The following ASTN2 variants were observed in gnomAD, a reference collection of about 807,000 sequenced individuals.
The protein encoded by ASTN2 is astrotactin-2.
Under a neutral mutation model 139.8 loss-of-function variants are expected in ASTN2, and 54 were observed. The ratio of observed to expected loss-of-function variants is 0.39; its 90% CI spans 0.31 to 0.48. The LOEUF (loss-of-function observed/expected upper bound fraction) is 0.48, where lower values mean the gene tolerates loss of function less well. ASTN2 is among the 20% of genes least tolerant of loss of function. The pLI is 0.95. For synonymous variants in ASTN2, 756 were observed against 719.5 expected (o/e 1.05, Z -0.81); for missense variants, 1,565 against 1,725.1 (o/e 0.91, Z 1.64).
At chr9:117,410,753 C>T (rs1401073801) in intron 1 of ASTN2, among the ~76,000 whole-genome samples, 1 of 152,140 alleles carries the variant, frequency 6.6e-6, no homozygotes, top group Admixed American at 6.5e-5. Flanking sequence ...TACAGAGATG[C>T]CTTCCTTCCC....
chr9:116,493,323 A>C (rs1335733367), intron 19 of ASTN2, among the ~76,000 whole-genome samples: 1 of 152,140 alleles, frequency 6.6e-6, no homozygotes, highest in Non-Finnish European at 1.5e-5. Context: ...AAGTTCGTCC[A>C]AGTCTCTAAC....
chr9:116,775,713 A>AGAAG (rs369347031), intron 13 of ASTN2, among the ~76,000 whole-genome samples: 14 of 122,200 alleles, frequency 1.1e-4, no homozygotes, highest in African/African-American at 1.9e-4. Context: ...AAGGAAGGAA[A>AGAAG]GAAGGAAGGA....
intron 10 of ASTN2, among the ~76,000 whole-genome samples, chr9:116,880,038 T>A (rs566494145): frequency 1.3e-5 from 2 of 152,230 alleles, no homozygotes; most frequent in African/African-American, 4.8e-5. Flanking sequence ...AGTAAAAATA[T>A]CTAGTAGCAG....
At chr9:116,745,457 T>C (rs981915553) in intron 13 of ASTN2, among the ~76,000 whole-genome samples, 7 of 152,328 alleles carry the variant, frequency 4.6e-5, no homozygotes, top group Admixed American at 2.0e-4. Context: ...GTCCCTTCTT[T>C]GGAAGCAATA....
intron 11 of ASTN2, among the ~76,000 whole-genome samples, chr9:116,855,092 C>G (rs1229064757): frequency 6.6e-6 from 1 of 152,084 alleles, no homozygotes; most frequent in African/African-American, 2.4e-5. Context: ...GAAATACCAT[C>G]AGACCCAGCA....
chr9:116,494,828 C>T (rs1040913868), intron 19 of ASTN2, among the ~76,000 whole-genome samples: 1 of 152,194 alleles, frequency 6.6e-6, no homozygotes, highest in Non-Finnish European at 1.5e-5. Context: ...CACCCAAAGT[C>T]TGTGCCTTTC....
intron 7 of ASTN2, among the ~76,000 whole-genome samples, chr9:116,990,227 T>C (rs1421640465): frequency 6.6e-6 from 1 of 152,212 alleles, no homozygotes; most frequent in Non-Finnish European, 1.5e-5. Context: ...CATTTCCTGT[T>C]AAATCAATTT....
chr9:117,066,030 T>A lies in ASTN2; in HGVS notation c.1277-26065A>T, dbSNP rs188992751. On this transcript the variant is annotated intron_variant, in intron 5 of 22. Transcript: ENST00000313400. ...TCCCATTTTATCTTTTTTTTTTTTT[T>A]ATTATACTTTAAGTTTTAGGGTACA... Among the ~76,000 whole-genome samples, 366 of 139,274 alleles carry A rather than the reference T, an allele frequency of 2.6e-3. 1 individual carries two copies. Among genetic ancestry groups the A allele is most frequent in the African/African-American group, 8.9e-3 (341 of 38,394 alleles). 91.4% of individuals were successfully genotyped at this position (139,274 alleles called of 152,430 possible).
intron 1 of ASTN2, among the ~76,000 whole-genome samples, chr9:117,374,699 T>C (rs1220642260): frequency 6.6e-6 from 1 of 152,204 alleles, no homozygotes; most frequent in Non-Finnish European, 1.5e-5. Flanking sequence ...GCAGCAGGAC[T>C]GGGAGAGGTA....
intron 4 of ASTN2, among the ~76,000 whole-genome samples, chr9:117,096,779 A>C (rs1013479895): frequency 6.6e-6 from 1 of 152,144 alleles, no homozygotes; most frequent in Non-Finnish European, 1.5e-5. Flanking sequence ...GGAGGGCCTG[A>C]GAAGGTTTTA....
chr9:117,260,169 C>T (rs1238143319), intron 2 of ASTN2, among the ~76,000 whole-genome samples: 1 of 152,102 alleles, frequency 6.6e-6, no homozygotes, highest in Non-Finnish European at 1.5e-5. Flanking sequence ...AACATCAAAG[C>T]TAGCCACCCC....
At chr9:117,093,440 C>T (rs918508551) in intron 5 of ASTN2, among the ~76,000 whole-genome samples, 8 of 152,136 alleles carry the variant, frequency 5.3e-5, no homozygotes, top group Admixed American at 5.2e-4. Context: ...ATGACATTGC[C>T]AGTAAGTGGG....
intron 20 of ASTN2, among the ~76,000 whole-genome samples, chr9:116,446,272 TAGAGAGAGAGAGAGAG>T (rs3040241): frequency 1.7e-5 from 2 of 119,036 alleles, no homozygotes; most frequent in Non-Finnish European, 3.4e-5. Context: ...GAGAGAGAGA[TAGAGAGAGAGAGAGAG>T]AGAGAGAGAG....
chr9:116,764,108 C>T (rs1423773896), intron 13 of ASTN2, among the ~76,000 whole-genome samples: 1 of 152,188 alleles, frequency 6.6e-6, no homozygotes, highest in Non-Finnish European at 1.5e-5. Context: ...AGAGAAATCA[C>T]ATGTCTGGGC....
chr9:116,969,145 T>A (rs1482761982), intron 10 of ASTN2, among the ~76,000 whole-genome samples: 3 of 152,070 alleles, frequency 2.0e-5, no homozygotes, highest in Non-Finnish European at 2.9e-5. Flanking sequence ...GAACACTTTG[T>A]CTCTTGAGAG....
intron 10 of ASTN2, among the ~76,000 whole-genome samples, chr9:116,886,467 T>G (rs10817953): frequency 0.99 from 150,431 of 152,258 alleles, 74,343 homozygotes; most frequent in East Asian, 1. Context: ...TATTTCTTAG[T>G]TTCAAGCAAT....
intron 6 of ASTN2, among the ~76,000 whole-genome samples, chr9:117,021,132 A>G (rs1455724558): frequency 6.6e-6 from 1 of 152,004 alleles, no homozygotes; most frequent in Non-Finnish European, 1.5e-5. Flanking sequence ...GGTCTTGAAC[A>G]CCTGAACTCA....
chr9:117,115,809 A>G (rs1049283834), intron 4 of ASTN2, among the ~76,000 whole-genome samples: 5 of 152,000 alleles, frequency 3.3e-5, no homozygotes, highest in Non-Finnish European at 7.3e-5. Flanking sequence ...GAGGATCACG[A>G]AGTCAGGAGA....
At chr9:116,961,303 C>T (rs1835870044) in intron 10 of ASTN2, among the ~76,000 whole-genome samples, 1 of 151,864 alleles carries the variant, frequency 6.6e-6, no homozygotes, top group Admixed American at 6.6e-5. Context: ...CCATCATCAC[C>T]ACCATCTATC....
Sources: allele counts gnomAD v4.1 joint callset (sites outside exome capture counted in the v4.1 genomes callset), GRCh38; gene constraint gnomAD v4.1.1; transcripts MANE v1.5; gene names NCBI Gene and HGNC (gene_info 2026-07-23, HGNC 2026-07-21).